CPB2: variants seen among roughly 807,000 people sequenced by gnomAD.
The protein encoded by CPB2 is carboxypeptidase B2.
In CPB2, 54 loss-of-function variants were observed where a neutral mutation model predicts 57.0. That is an observed-to-expected ratio of 0.95 (90% CI 0.76 to 1.19). The LOEUF (loss-of-function observed/expected upper bound fraction) is 1.19, where lower values mean the gene tolerates loss of function less well. Among genes scored for constraint, CPB2 ranks in the 50% most tolerant of loss-of-function variants. The probability of loss-of-function intolerance (pLI) is 0.00; values close to 1 mark genes in which losing one functional copy is unlikely to be tolerated. For missense variants in CPB2, 426 were observed against 512.0 expected (o/e 0.83, Z 1.62); for synonymous variants, 189 against 178.1 (o/e 1.06, Z -0.49).
chr13:46,096,726 C>T (rs1012342077), intron 1 of CPB2, among the ~76,000 whole-genome samples: 1 of 151,992 alleles, frequency 6.6e-6, no homozygotes, highest in Non-Finnish European at 1.5e-5. Flanking sequence ...TTGTAGTGAG[C>T]TAATATCGCA....
intron 1 of CPB2, among the ~76,000 whole-genome samples, chr13:46,102,554 A>AAAC (rs1424402202): frequency 7.0e-6 from 1 of 143,516 alleles, no homozygotes; most frequent in Non-Finnish European, 1.6e-5. Context: ...AAAAAAAAAA[A>AAAC]AAACAAAGAA....
At chr13:46,064,614 A>G (rs113905341) in intron 8 of CPB2, 34 bp downstream of exon 8, 3 of 1,532,072 alleles carry the variant, frequency 2.0e-6, no homozygotes, top group Middle Eastern at 1.7e-4. Context: ...CTTTCAGTGA[A>G]GAGACATTGC....
At chr13:46,096,717 T>C (rs1380287621) in intron 1 of CPB2, among the ~76,000 whole-genome samples, 1 of 151,986 alleles carries the variant, frequency 6.6e-6, no homozygotes, top group Non-Finnish European at 1.5e-5. Context: ...AGGCAGAGGT[T>C]GTAGTGAGCT....
chr13:46,077,086 C>T (rs983659139), intron 5 of CPB2, among the ~76,000 whole-genome samples: 2 of 151,964 alleles, frequency 1.3e-5, no homozygotes, highest in Non-Finnish European at 2.9e-5. Flanking sequence ...AAGGGGATTA[C>T]ATCAAACTGA....
chr13:46,066,685 A>C (rs531378716), intron 7 of CPB2, among the ~76,000 whole-genome samples: 1 of 152,022 alleles, frequency 6.6e-6, no homozygotes, highest in East Asian at 1.9e-4. Context: ...TCTACTAAAA[A>C]TACAAAAAGC....
chr13:46,091,051 A>G (rs924022396), intron 1 of CPB2, among the ~76,000 whole-genome samples: 3 of 152,206 alleles, frequency 2.0e-5, no homozygotes, highest in Non-Finnish European at 4.4e-5. Context: ...GTTTTCTTCT[A>G]ACAAATTTGC....
intron 9 of CPB2, among the ~76,000 whole-genome samples, chr13:46,057,274 A>G (rs1467028554): frequency 6.6e-6 from 1 of 152,228 alleles, no homozygotes; most frequent in Non-Finnish European, 1.5e-5. Context: ...CTTGAGAAGA[A>G]AAAAGCTCAA....
At chr13:46,087,332 G>A (rs1388918113) in intron 2 of CPB2, among the ~76,000 whole-genome samples, 4 of 152,248 alleles carry the variant, frequency 2.6e-5, no homozygotes, top group African/African-American at 9.6e-5. Flanking sequence ...TTAATATTCT[G>A]TAATTCTTGT....
chr13:46,070,922 C>G (rs1284585304), intron 6 of CPB2, among the ~76,000 whole-genome samples: 1 of 152,098 alleles, frequency 6.6e-6, no homozygotes, highest in Admixed American at 6.6e-5. Context: ...TATTGAGCAC[C>G]AATTATGTTG....
intron 1 of CPB2, chr13:46,096,983 A>G (rs541846590): frequency 6.6e-6 from 1 of 152,398 alleles, no homozygotes; most frequent in South Asian, 2.1e-4. Flanking sequence ...AAACCCCTCA[A>G]GAACCTGGAA....
At chr13:46,099,634 T>C (rs2045409300) in intron 1 of CPB2, 3 of 152,240 alleles carry the variant, frequency 2.0e-5, no homozygotes. Context: ...CTTTTCTTCT[T>C]TTTTACTGAT....
At chr13:46,075,691 T>C (rs933289682) in intron 5 of CPB2, among the ~76,000 whole-genome samples, 4 of 152,208 alleles carry the variant, frequency 2.6e-5, no homozygotes, top group Admixed American at 1.3e-4. Context: ...AGTCTTATCT[T>C]TGAATGACTG....
At chr13:46,072,489 T>A (rs2139373511) in intron 6 of CPB2, among the ~76,000 whole-genome samples, 1 of 152,296 alleles carries the variant, frequency 6.6e-6, no homozygotes. Flanking sequence ...AGGTTCACAT[T>A]GTTGGAGCAA....
chr13:46,065,903 G>A (rs956337120), intron 7 of CPB2, among the ~76,000 whole-genome samples: 3 of 152,156 alleles, frequency 2.0e-5, no homozygotes, highest in African/African-American at 7.2e-5. Context: ...AGGTTAAGGT[G>A]TAAATATACT....
intron 10 of CPB2, among the ~76,000 whole-genome samples, chr13:46,055,044 C>T (rs1297217591): frequency 6.7e-6 from 1 of 149,362 alleles, no homozygotes; most frequent in Non-Finnish European, 1.5e-5. Context: ...AGCCACAGCA[C>T]CTGGCCTCTT....
At chr13:46,069,144 T>C (rs569327192) in intron 6 of CPB2, among the ~76,000 whole-genome samples, 1 of 152,296 alleles carries the variant, frequency 6.6e-6, no homozygotes, top group South Asian at 2.1e-4. Flanking sequence ...AAAGTTATGC[T>C]CTGAGAGATT....
chr13:46,058,959 C>T (rs2044734030), intron 8 of CPB2, among the ~76,000 whole-genome samples: 1 of 152,150 alleles, frequency 6.6e-6, no homozygotes, highest in Non-Finnish European at 1.5e-5. Context: ...GGCTGCCTTC[C>T]AACACTTCTC....
chr13:46,102,384 T>G (rs2045444811), intron 1 of CPB2, among the ~76,000 whole-genome samples: 1 of 152,172 alleles, frequency 6.6e-6, no homozygotes, highest in South Asian at 2.1e-4. Context: ...AGTCATGATT[T>G]TTTGGCTGCC....
intron 6 of CPB2, among the ~76,000 whole-genome samples, chr13:46,069,300 G>A (rs375080534): frequency 7.9e-5 from 12 of 152,310 alleles, no homozygotes; most frequent in African/African-American, 2.6e-4. Context: ...CAATCCCGAA[G>A]GAAGGGGTGC....
Sources: allele counts gnomAD v4.1 joint callset (sites outside exome capture counted in the v4.1 genomes callset), GRCh38; gene constraint gnomAD v4.1.1; transcripts MANE v1.5; gene names NCBI Gene and HGNC (gene_info 2026-07-23, HGNC 2026-07-21).